Variants in CDH7 observed in about 807,000 individuals in gnomAD.
CDH7 encodes cadherin 7.
A neutral mutation model predicts 71.8 loss-of-function variants in CDH7; 25 were observed. The ratio of observed to expected loss-of-function variants is 0.35; its 90% CI spans 0.25 to 0.49. The LOEUF is 0.49. CDH7 is among the 20% of genes least tolerant of loss of function. CDH7 has a pLI of 0.99. For missense variants in CDH7, 862 were observed against 974.6 expected, an observed-to-expected ratio of 0.88 and a Z score of 1.54; for synonymous variants, 381 against 363.8, an observed-to-expected ratio of 1.05 and a Z score of -0.54.
At chr18:65,816,303 A>G (rs920714487) in intron 4 of CDH7, among the ~76,000 whole-genome samples, 3 of 152,110 alleles carry the variant, frequency 2.0e-5, no homozygotes, top group African/African-American at 7.2e-5. Flanking sequence ...TATAATATGT[A>G]GAGTACATTT....
intron 7 of CDH7, among the ~76,000 whole-genome samples, chr18:65,857,221 G>T (rs1019745934): frequency 6.6e-6 from 1 of 151,090 alleles, no homozygotes; most frequent in African/African-American, 2.4e-5. Flanking sequence ...GGTGGCTCAC[G>T]CCTATAATCC....
intron 2 of CDH7, among the ~76,000 whole-genome samples, chr18:65,770,599 A>G (rs1916513422): frequency 6.6e-6 from 1 of 152,182 alleles, no homozygotes; most frequent in Non-Finnish European, 1.5e-5. Context: ...CCTAGTCAGT[A>G]CTTATTAAAT....
intron 6 of CDH7, among the ~76,000 whole-genome samples, chr18:65,838,797 A>G (rs899734114): frequency 6.6e-6 from 1 of 152,206 alleles, no homozygotes; most frequent in Non-Finnish European, 1.5e-5. Context: ...AGACTCCACT[A>G]TTCGTTATAG....
chr18:65,782,012 T>TCTC (rs1568182132), intron 2 of CDH7, among the ~76,000 whole-genome samples: 1 of 72,844 alleles, frequency 1.4e-5, no homozygotes, highest in African/African-American at 1.2e-4. Context: ...CTTTCTCTCT[T>TCTC]TCTCTCTCTC....
At chr18:65,873,096 GT>G (rs995995427) in intron 11 of CDH7, among the ~76,000 whole-genome samples, 27 of 152,184 alleles carry the variant, frequency 1.8e-4, no homozygotes, top group Admixed American at 1.7e-3. Flanking sequence ...AAAATAGGAA[GT>G]TTTTGGAAGG....
chr18:65,824,867 A>G (rs1232381658), intron 6 of CDH7, 36 bp downstream of exon 6: 2 of 1,424,406 alleles, frequency 1.4e-6, no homozygotes, highest in East Asian at 4.7e-5. Flanking sequence ...ATCACAGATT[A>G]CTGAGAAGTC....
chr18:65,857,342 AT>A (rs1913398982), intron 7 of CDH7, among the ~76,000 whole-genome samples: 1 of 145,870 alleles, frequency 6.9e-6, no homozygotes, highest in African/African-American at 2.5e-5. Flanking sequence ...AATAATAATA[AT>A]AATAATAATA....
At chr18:65,778,392 A>G (rs982324223) in intron 2 of CDH7, among the ~76,000 whole-genome samples, 1 of 151,790 alleles carries the variant, frequency 6.6e-6, no homozygotes, top group Admixed American at 6.6e-5. Flanking sequence ...CAAACCAGGA[A>G]AAACTGCACA....
chr18:65,805,832 GA>G (rs1911297132), intron 2 of CDH7, among the ~76,000 whole-genome samples: 1 of 152,172 alleles, frequency 6.6e-6, no homozygotes, highest in Admixed American at 6.5e-5. Context: ...AACGTTTAAT[GA>G]GGGGTGTGAT....
chr18:65,817,259 T>C (rs1911754579), intron 4 of CDH7, among the ~76,000 whole-genome samples: 1 of 152,160 alleles, frequency 6.6e-6, no homozygotes, highest in African/African-American at 2.4e-5. Flanking sequence ...CATAATTTTA[T>C]ATAAGAGGTA....
chr18:65,757,545 C>A (rs1352105198), intron 1 of CDH7, among the ~76,000 whole-genome samples: 2 of 151,998 alleles, frequency 1.3e-5, no homozygotes, highest in East Asian at 3.8e-4. Context: ...TTTCAAAATA[C>A]AAGTTTTAGC....
intron 2 of CDH7, among the ~76,000 whole-genome samples, chr18:65,792,179 G>A (rs1910734767): frequency 7.1e-6 from 1 of 140,504 alleles, no homozygotes; most frequent in South Asian, 2.3e-4. Flanking sequence ...GTCTGCTGCA[G>A]CCAGTCTTTT....
intron 6 of CDH7, among the ~76,000 whole-genome samples, chr18:65,825,075 A>T (rs1331863919): frequency 2.6e-5 from 4 of 151,968 alleles, no homozygotes; most frequent in Non-Finnish European, 5.9e-5. Context: ...CACTATAAAA[A>T]TAAAGCAAAC....
chr18:65,779,080 TTG>T (rs770220662), intron 2 of CDH7, among the ~76,000 whole-genome samples: 3,395 of 150,236 alleles, frequency 0.023, 100 homozygotes, highest in African/African-American at 0.068. Context: ...GTTTGTTTGT[TTG>T]TTTTTTTTAA....
intron 11 of CDH7, among the ~76,000 whole-genome samples, chr18:65,875,073 G>T (rs1914035561): frequency 6.6e-6 from 1 of 152,064 alleles, no homozygotes; most frequent in African/African-American, 2.4e-5. Context: ...AAATATTTTT[G>T]CAATTTTTTT....
Position 65,888,505 on chromosome 18 carries a change from C to T in CDH7, c.*7611C>T, listed in dbSNP as rs576514442. ...TTCCAGCTTATACCTCCTGACAACT[C>T]GGTACAGAAAATGAGTATCATTGTA... is the stretch of plus-strand genomic sequence containing the variant. On this transcript the variant is annotated 3_prime_UTR_variant, in exon 12 of 12. Coordinates refer to ENST00000397968, the MANE Select transcript of CDH7 (RefSeq NM_004361.5). 2.0e-5 allele frequency: 3 copies of T among 152,122 alleles called. No homozygotes were observed. The highest frequency in any genetic ancestry group is 2.1e-4 in the South Asian group (1 of 4,828). The allele number at this position is 152,122 out of a possible 1,614,324, so 9.4% of individuals were successfully genotyped here. A position where few individuals can be genotyped will look rare whatever the true frequency, so the allele number is the denominator to read the frequency against.
At position 65,881,202 on chromosome 18, in the gene CDH7, C is replaced by A. The variant is rs772993857; in HGVS notation, c.*308C>A. On this transcript the variant is annotated 3_prime_UTR_variant, in exon 12 of 12. Coordinates refer to ENST00000397968, the MANE Select transcript of CDH7 (RefSeq NM_004361.5). The stretch of plus-strand genomic sequence containing the variant: ...CTCATATACCTGCAAAGGCACCAAA[C>A]CTCTATGAGAAAGTAGTGCCCTGTG... The A allele has an allele frequency of 4.6e-6, 1 of 219,470 alleles. No homozygotes were observed. Among genetic ancestry groups the A allele is most frequent in the Non-Finnish European group, 9.0e-6 (1 of 110,542 alleles). The allele number at this position is 219,470 out of a possible 1,614,324, so 13.6% of individuals were successfully genotyped here.
At chr18:65,875,321 G>A (rs1914042682) in intron 11 of CDH7, among the ~76,000 whole-genome samples, 1 of 152,188 alleles carries the variant, frequency 6.6e-6, no homozygotes, top group Non-Finnish European at 1.5e-5. Flanking sequence ...CAAGTGGGGA[G>A]ATTGGTTAGG....
intron 2 of CDH7, among the ~76,000 whole-genome samples, chr18:65,783,339 T>C (rs527257070): frequency 6.6e-6 from 1 of 152,290 alleles, no homozygotes; most frequent in African/African-American, 2.4e-5. Context: ...ATAGTAATAG[T>C]TGACCATTCT....
Sources: allele counts gnomAD v4.1 joint callset (sites outside exome capture counted in the v4.1 genomes callset), GRCh38; gene constraint gnomAD v4.1.1; transcripts MANE v1.5; gene names NCBI Gene and HGNC (gene_info 2026-07-23, HGNC 2026-07-21).